EFCAB13: variants seen among roughly 807,000 people sequenced by gnomAD.
EFCAB13 encodes EF-hand calcium-binding domain-containing protein 13.
Under a neutral mutation model 110.2 loss-of-function variants are expected in EFCAB13, and 91 were observed. That is an observed-to-expected ratio of 0.83 (90% CI 0.70 to 0.98). EFCAB13 has a LOEUF of 0.98. Ranked by LOEUF, EFCAB13 falls within the 50% of genes least tolerant of loss-of-function variation. The probability of loss-of-function intolerance (pLI) is 0.00; values close to 1 mark genes in which losing one functional copy is unlikely to be tolerated. For synonymous variants in EFCAB13, 323 were observed against 369.9 expected, an observed-to-expected ratio of 0.87 and a Z score of 1.45; for missense variants, 968 against 1,119.4, an observed-to-expected ratio of 0.86 and a Z score of 1.93.
intron 5 of EFCAB13, among the ~76,000 whole-genome samples, chr17:47,336,697 C>T (rs1210875299): frequency 1.3e-5 from 2 of 151,434 alleles, no homozygotes; most frequent in East Asian, 3.9e-4. Context: ...CCTGAGCCTC[C>T]CAAAGTGCTG....
At chr17:47,432,273 C>T (rs868441451) in intron 24 of EFCAB13, among the ~76,000 whole-genome samples, 1 of 152,062 alleles carries the variant, frequency 6.6e-6, no homozygotes, top group East Asian at 1.9e-4. Flanking sequence ...TGGCGGGCGC[C>T]TGTAGTCCCA....
chr17:47,349,663 G>T (rs1445899627), intron 9 of EFCAB13, among the ~76,000 whole-genome samples: 1 of 150,852 alleles, frequency 6.6e-6, no homozygotes. Flanking sequence ...AATAATGTTT[G>T]CTGATGGAGT....
At chr17:47,406,388 C>T (rs1427188808) in intron 20 of EFCAB13, among the ~76,000 whole-genome samples, 1 of 152,164 alleles carries the variant, frequency 6.6e-6, no homozygotes, top group Admixed American at 6.5e-5. Flanking sequence ...GGATTACAGG[C>T]ATGAACCACG....
intron 11 of EFCAB13, 77 bp from the exon 12 acceptor site, chr17:47,374,395 A>G (rs1288455959): frequency 4.2e-6 from 5 of 1,199,316 alleles, no homozygotes; most frequent in East Asian, 5.3e-5. Flanking sequence ...AGTTTTCATG[A>G]GGACTTAGTT....
intron 24 of EFCAB13, among the ~76,000 whole-genome samples, chr17:47,439,904 A>G (rs1213219581): frequency 6.6e-6 from 1 of 152,042 alleles, no homozygotes; most frequent in African/African-American, 2.4e-5. Flanking sequence ...ATCACTCTCA[A>G]TGAGAATGTA....
intron 8 of EFCAB13, among the ~76,000 whole-genome samples, 163 bp from the exon 9 acceptor site, chr17:47,347,645 A>G (rs1369584633): frequency 6.6e-6 from 1 of 152,204 alleles, no homozygotes; most frequent in Non-Finnish European, 1.5e-5. Flanking sequence ...AGATTTGAAT[A>G]TTAAAAGATT....
intron 23 of EFCAB13, among the ~76,000 whole-genome samples, chr17:47,422,756 AAATG>A (rs1904766633): frequency 1.3e-5 from 2 of 152,360 alleles, no homozygotes; most frequent in South Asian, 4.1e-4. Flanking sequence ...AAACCTAAAT[AAATG>A]GAGAGATATA....
chr17:47,362,747 G>GCTGT (rs1018853219), intron 10 of EFCAB13, among the ~76,000 whole-genome samples: 4 of 152,178 alleles, frequency 2.6e-5, no homozygotes, highest in African/African-American at 4.8e-5. Flanking sequence ...AATGGCGTAA[G>GCTGT]CTGTCTGTCT....
intron 10 of EFCAB13, among the ~76,000 whole-genome samples, chr17:47,363,348 T>C (rs2065526985): frequency 6.6e-6 from 1 of 152,158 alleles, no homozygotes; most frequent in Non-Finnish European, 1.5e-5. Context: ...ATTACAGGCA[T>C]GAGCCACTGG....
At chr17:47,423,072 A>G (rs2143499190) in intron 23 of EFCAB13, among the ~76,000 whole-genome samples, 1 of 152,316 alleles carries the variant, frequency 6.6e-6, no homozygotes. Flanking sequence ...CTGAATATTC[A>G]TTTATTAAAA....
intron 4 of EFCAB13, among the ~76,000 whole-genome samples, chr17:47,331,530 TG>T (rs778015650): frequency 7.9e-5 from 12 of 152,280 alleles, no homozygotes; most frequent in Admixed American, 2.6e-4. Context: ...ATCAACATCC[TG>T]TACCAGAGTG....
intron 12 of EFCAB13, 83 bp downstream of exon 12, chr17:47,375,049 T>C: frequency 7.3e-7 from 1 of 1,378,366 alleles, no homozygotes. Flanking sequence ...GTTGTAAGCA[T>C]TTCAATTGTT....
chr17:47,343,252 G>T (rs529158412), intron 6 of EFCAB13, among the ~76,000 whole-genome samples: 1 of 152,180 alleles, frequency 6.6e-6, no homozygotes, highest in African/African-American at 2.4e-5. Flanking sequence ...ATGCACTTCA[G>T]AAGTGTTACA....
intron 9 of EFCAB13, among the ~76,000 whole-genome samples, chr17:47,359,340 A>G (rs1363247972): frequency 2.6e-5 from 4 of 152,180 alleles, no homozygotes; most frequent in African/African-American, 9.6e-5. Flanking sequence ...TCTTTAAAAA[A>G]GAAAATTAAT....
chr17:47,427,472 G>A (rs541776957), intron 23 of EFCAB13, among the ~76,000 whole-genome samples: 2 of 152,106 alleles, frequency 1.3e-5, no homozygotes, highest in African/African-American at 2.4e-5. Context: ...TCCATTTTGT[G>A]TGCTAGCTTC....
At chr17:47,394,891 C>A (rs912798270) in intron 16 of EFCAB13, among the ~76,000 whole-genome samples, 1 of 152,034 alleles carries the variant, frequency 6.6e-6, no homozygotes, top group Admixed American at 6.6e-5. Context: ...CCTAATCTAT[C>A]TCTGTCATTG....
chr17:47,416,811 A>C (rs771767675), intron 23 of EFCAB13, among the ~76,000 whole-genome samples: 5 of 152,228 alleles, frequency 3.3e-5, no homozygotes, highest in African/African-American at 4.8e-5. Context: ...CTCTTGAACA[A>C]TGTGGGGGTT....
intron 3 of EFCAB13, among the ~76,000 whole-genome samples, chr17:47,327,732 GACGTGA>G (rs2065295083): frequency 6.6e-6 from 1 of 152,170 alleles, no homozygotes; most frequent in Non-Finnish European, 1.5e-5. Flanking sequence ...TGGGATTACA[GACGTGA>G]ACCACTGCGC....
At chr17:47,420,209 A>G (rs28641090) in intron 23 of EFCAB13, among the ~76,000 whole-genome samples, 9,546 of 152,242 alleles carry the variant, frequency 0.063, 360 homozygotes, top group East Asian at 0.17. Context: ...TCGGCCTCCC[A>G]AGGTGCCGGG....
Sources: gnomAD v4.1 joint callset for allele counts (sites outside exome capture counted in the v4.1 genomes callset) on GRCh38, gnomAD v4.1.1 for gene constraint, MANE v1.5 for transcripts, NCBI Gene and HGNC (gene_info 2026-07-23, HGNC 2026-07-21) for gene names.